The following PXT1 variants were observed in gnomAD, a reference collection of about 807,000 sequenced individuals.
The protein encoded by PXT1 is peroxisomal testis-specific protein 1.
In PXT1, 11 loss-of-function variants were observed where a neutral mutation model predicts 11.0. The ratio of observed to expected loss-of-function variants is 1.00; its 90% confidence interval spans 0.63 to 1.66. The LOEUF (loss-of-function observed/expected upper bound fraction) is 1.66, where lower values mean the gene tolerates loss of function less well. Among genes scored for constraint, PXT1 ranks in the 40% most tolerant of loss-of-function variants. The probability of loss-of-function intolerance (pLI) is 0.00; values close to 1 mark genes in which losing one functional copy is unlikely to be tolerated. For synonymous variants in PXT1, 43 were observed against 51.4 expected (o/e 0.84, Z 0.70); for missense variants, 141 against 155.5 (o/e 0.91, Z 0.49).
chr6:36,407,838 A>G (rs1774311911), intron 3 of PXT1, among the ~76,000 whole-genome samples: 1 of 152,156 alleles, frequency 6.6e-6, no homozygotes, highest in African/African-American at 2.4e-5. Context: ...TTTTCCCACC[A>G]CAACCCCAGG....
At chr6:36,441,966 A>G (rs1477473707) in intron 1 of PXT1, among the ~76,000 whole-genome samples, 4 of 152,186 alleles carry the variant, frequency 2.6e-5, no homozygotes, top group African/African-American at 9.7e-5. Context: ...GAAAAGGAGA[A>G]TCGACTTCGA....
intron 2 of PXT1, 29 bp from the exon 3 acceptor site, chr6:36,426,120 T>TC: frequency 7.6e-7 from 1 of 1,320,742 alleles, no homozygotes. Flanking sequence ...TCAGAGGCTT[T>TC]CCCCCATTTC....
chr6:36,411,486 C>T (rs908581838), intron 3 of PXT1, among the ~76,000 whole-genome samples: 1 of 152,090 alleles, frequency 6.6e-6, no homozygotes, highest in African/African-American at 2.4e-5. Flanking sequence ...GTAACTACCT[C>T]ATAGAGGGGT....
chr6:36,426,092 CT>C lies in PXT1; in HGVS notation c.-9-2del. On this transcript the variant is annotated splice_acceptor_variant, in intron 2 of 4. Coordinates refer to ENST00000454782, the MANE Select transcript of PXT1 (RefSeq NM_152990.4). LOFTEE classifies it low-confidence loss of function (5UTR_SPLICE). ...CATGTTTTTTCTTCATGTTTTTTCC[CT>C]GTTGAAAAACATATTTTCAGAGGCT... The C allele has an allele frequency of 6.7e-7, 1 of 1,496,302 alleles. No homozygotes were observed. The highest frequency in any genetic ancestry group is 1.4e-5 in the African/African-American group (1 of 71,210). 92.7% of individuals were successfully genotyped at this position (1,496,302 alleles called of 1,614,324 possible).
At chr6:36,433,060 G>T (rs1047435766) in intron 2 of PXT1, among the ~76,000 whole-genome samples, 18 of 152,002 alleles carry the variant, frequency 1.2e-4, no homozygotes, top group African/African-American at 4.3e-4. Context: ...TTAGCTTTTA[G>T]GACTTTATTC....
intron 1 of PXT1, 69 bp downstream of exon 1, chr6:36,442,464 AAC>A (rs769787236): frequency 2.6e-5 from 4 of 152,332 alleles, no homozygotes; most frequent in East Asian, 1.9e-4. Context: ...TTTTACTCAT[AAC>A]ACAGTTTTCC....
intron 4 of PXT1, among the ~76,000 whole-genome samples, chr6:36,392,488 GTGAAAC>G (rs1422509760): frequency 1.3e-5 from 2 of 152,020 alleles, no homozygotes; most frequent in Non-Finnish European, 2.9e-5. Flanking sequence ...AGGCAACATG[GTGAAAC>G]CTCATCTCTA....
At chr6:36,440,586 AAAAG>A (rs910093390) in intron 1 of PXT1, among the ~76,000 whole-genome samples, 2 of 152,204 alleles carry the variant, frequency 1.3e-5, no homozygotes, top group Non-Finnish European at 2.9e-5. Context: ...CAAAAAAAAA[AAAAG>A]AAGAAGGTTT....
chr6:36,438,546 C>T (rs1561936074), intron 2 of PXT1, among the ~76,000 whole-genome samples: 2 of 152,174 alleles, frequency 1.3e-5, no homozygotes, highest in Admixed American at 1.3e-4. Flanking sequence ...GCCTCAGCCT[C>T]CCGAGTACCG....
intron 4 of PXT1, among the ~76,000 whole-genome samples, chr6:36,395,849 A>G (rs1233158759): frequency 2.0e-5 from 3 of 151,916 alleles, no homozygotes; most frequent in African/African-American, 7.3e-5. Flanking sequence ...AAAAATACAA[A>G]AAAATTACCC....
At chr6:36,434,906 ATT>A (rs1774740918) in intron 2 of PXT1, among the ~76,000 whole-genome samples, 1 of 152,154 alleles carries the variant, frequency 6.6e-6, no homozygotes, top group Admixed American at 6.5e-5. Flanking sequence ...AAATGTTATA[ATT>A]TTCTCTTTAT....
At chr6:36,400,263 G>A (rs1057186363) in intron 4 of PXT1, among the ~76,000 whole-genome samples, 191 bp downstream of exon 4, 1 of 152,224 alleles carries the variant, frequency 6.6e-6, no homozygotes, top group South Asian at 2.1e-4. Context: ...CACAGTCTGA[G>A]TAGCAAGTAT....
intron 3 of PXT1, among the ~76,000 whole-genome samples, chr6:36,401,965 T>G (rs1774221151): frequency 6.7e-6 from 1 of 148,782 alleles, no homozygotes; most frequent in Non-Finnish European, 1.5e-5. Flanking sequence ...TGCATATATA[T>G]ATATATATGT....
rs33980831 is a variant in PXT1, at chr6:36,393,725, C to CAA, written c.301-1853_301-1852dup. ...TGGATGACAGAGTGAGACTATGCCT[C>CAA]AAAAAAAAAAAAAAGTCACCTTCTC... On this transcript the variant is annotated intron_variant, in intron 4 of 4. Transcript: ENST00000454782. Among the ~76,000 whole-genome samples, 555 of 142,496 alleles carry CAA rather than the reference C, an allele frequency of 3.9e-3. 2 individuals carry two copies. Among genetic ancestry groups the CAA allele is most frequent in the African/African-American group, 0.011 (424 of 38,478 alleles). The allele number at this position is 142,496 out of a possible 152,430, so 93.5% of individuals were successfully genotyped here.
chr6:36,419,102 C>T (rs559223708), intron 3 of PXT1, among the ~76,000 whole-genome samples: 1 of 152,208 alleles, frequency 6.6e-6, no homozygotes, highest in South Asian at 2.1e-4. Flanking sequence ...TGAAATAACA[C>T]CCTAATGATT....
intron 4 of PXT1, among the ~76,000 whole-genome samples, chr6:36,397,352 G>A (rs999506421): frequency 2.0e-5 from 3 of 152,242 alleles, no homozygotes; most frequent in South Asian, 4.1e-4. Context: ...GAGGTGGGAC[G>A]ATCTCTGGAG....
chr6:36,397,649 A>G (rs909308378), intron 4 of PXT1, among the ~76,000 whole-genome samples: 2 of 152,224 alleles, frequency 1.3e-5, no homozygotes, highest in African/African-American at 2.4e-5. Flanking sequence ...TCAAAATTCA[A>G]AACTTTTGTA....
chr6:36,400,979 A>G (rs1774205737), intron 3 of PXT1, among the ~76,000 whole-genome samples: 1 of 152,122 alleles, frequency 6.6e-6, no homozygotes, highest in Non-Finnish European at 1.5e-5. Flanking sequence ...TCAAAAAAAA[A>G]AAGAGTTGAA....
chr6:36,440,905 G>C (rs1222234067), intron 1 of PXT1, among the ~76,000 whole-genome samples: 1 of 152,078 alleles, frequency 6.6e-6, no homozygotes, highest in Non-Finnish European at 1.5e-5. Context: ...AAATGAAAGT[G>C]TTTAAAAAAT....
Sources: gnomAD v4.1 joint callset for allele counts (sites outside exome capture counted in the v4.1 genomes callset) on GRCh38, gnomAD v4.1.1 for gene constraint, MANE v1.5 for transcripts, NCBI Gene and HGNC (gene_info 2026-07-23, HGNC 2026-07-21) for gene names.